CXADR: variants seen among roughly 807,000 people sequenced by gnomAD.
CXADR encodes the protein CXADR cell adhesion molecule, also known as coxsackievirus and adenovirus receptor.
In CXADR, 20 loss-of-function variants were observed where a neutral mutation model predicts 40.3. The ratio of observed to expected loss-of-function variants is 0.50; its 90% confidence interval spans 0.35 to 0.72. The LOEUF (loss-of-function observed/expected upper bound fraction) is 0.72. CXADR is among the 30% of genes least tolerant of loss of function. CXADR has a pLI of 0.01. For synonymous variants in CXADR, 150 were observed against 161.3 expected, an observed-to-expected ratio of 0.93 and a Z score of 0.53; for missense variants, 332 against 449.1, an observed-to-expected ratio of 0.74 and a Z score of 2.36.
Position 17,567,224 on chromosome 21 carries a change from A to T in CXADR, c.*1532A>T, listed in dbSNP as rs1015396469. ...AATATCTTTGGGTGCTGTGGTGGTA[A>T]ATGCTATATTATGAACGGTGGCATG... On this transcript the variant is annotated 3_prime_UTR_variant, in exon 7 of 7. Transcript: ENST00000284878. The T allele has an allele frequency of 5.1e-6, 5 of 985,270 alleles. No homozygotes were observed. In the African/African-American group the frequency reaches 8.7e-5, roughly 17 times the overall value. 61.0% of individuals were successfully genotyped at this position (985,270 alleles called of 1,614,324 possible). A position where few individuals can be genotyped will look rare whatever the true frequency, so the allele number is the denominator to read the frequency against.
the CXADR span, among the ~76,000 whole-genome samples, chr21:17,628,177 A>G: frequency 6.6e-6 from 1 of 152,234 alleles, no homozygotes; most frequent in Non-Finnish European, 1.5e-5. Flanking sequence ...CTGGGCCTTT[A>G]GAAATGCATA....
the CXADR span, among the ~76,000 whole-genome samples, chr21:17,601,895 C>T: frequency 6.6e-6 from 1 of 152,118 alleles, no homozygotes; most frequent in African/African-American, 2.4e-5. Flanking sequence ...TTCTTTGACA[C>T]CTAGTTTGGT....
At position 17,540,490 on chromosome 21, in the gene CXADR, G is replaced by A. The variant is rs140553131; in HGVS notation, c.44-6537G>A. 5.2e-3 allele frequency among the ~76,000 whole-genome samples: 792 copies of A among 152,278 alleles called. 8 individuals carry two copies. Among genetic ancestry groups the A allele is most frequent in the African/African-American group, 0.018 (758 of 41,554 alleles). On this transcript the variant is annotated intron_variant, in intron 1 of 6. Coordinates refer to ENST00000284878, the MANE Select transcript of CXADR (RefSeq NM_001338.5). ...CTTCTATTTATATGAGTGAAAGTCA[G>A]CATTACTCCCCAGAAGCCAAATTTT...
chr21:17,621,909 A>G, the CXADR span, among the ~76,000 whole-genome samples: 1 of 152,392 alleles, frequency 6.6e-6, no homozygotes, highest in Middle Eastern at 3.4e-3. Flanking sequence ...TGAATTAAAT[A>G]CCGCATAAAA....
intron 7 of CXADR, among the ~76,000 whole-genome samples, chr21:17,584,268 C>T (rs572669316): frequency 6.6e-6 from 1 of 152,254 alleles, no homozygotes; most frequent in East Asian, 1.9e-4. Flanking sequence ...CCTAGTCCAG[C>T]GTTTGGCTGG....
chr21:17,613,068 A>T, the CXADR span: 1 of 151,674 alleles, frequency 6.6e-6, no homozygotes, highest in Non-Finnish European at 1.5e-5. Context: ...GCCTAGCCGC[A>T]CGGGAGGCGA....
At chr21:17,515,380 C>T (rs1263818855) in intron 1 of CXADR, among the ~76,000 whole-genome samples, 1 of 151,934 alleles carries the variant, frequency 6.6e-6, no homozygotes, top group Non-Finnish European at 1.5e-5. Flanking sequence ...CCTGGGAGGT[C>T]TAAGCTCATG....
At chr21:17,550,271 T>G (rs182500977) in intron 2 of CXADR, among the ~76,000 whole-genome samples, 1 of 151,770 alleles carries the variant, frequency 6.6e-6, no homozygotes, top group East Asian at 1.9e-4. Flanking sequence ...GGAGAATCGC[T>G]TTAACCCAGG....
intron 7 of CXADR, among the ~76,000 whole-genome samples, chr21:17,579,817 G>A (rs2061347748): frequency 6.6e-6 from 1 of 152,054 alleles, no homozygotes; most frequent in African/African-American, 2.4e-5. Context: ...TTAGCTGGCA[G>A]AGTAAGTGCT....
chr21:17,596,469 G>GGAC (rs1377094529), downstream of CXADR, among the ~76,000 whole-genome samples: 3 of 151,916 alleles, frequency 2.0e-5, no homozygotes, highest in African/African-American at 4.8e-5. Flanking sequence ...TTTTGTGTAT[G>GGAC]GTGTCAGCTA....
At position 17,565,840 on chromosome 21, in the gene CXADR, T is replaced by C; in HGVS notation, c.*148T>C. 3.8e-6 allele frequency: 5 copies of C among 1,320,250 alleles called. No individual in the cohort carries two copies. Among genetic ancestry groups the C allele is most frequent in the Non-Finnish European group, 4.8e-6 (5 of 1,032,422 alleles). 81.8% of individuals were successfully genotyped at this position (1,320,250 alleles called of 1,614,324 possible). On this transcript the variant is annotated 3_prime_UTR_variant, in exon 7 of 7. Transcript: ENST00000284878. ...ACTGTACGGAATATATTTTTAAAAA[T>C]TTTTGTTTGGTTATATCGAAATAGT...
the CXADR span, among the ~76,000 whole-genome samples, chr21:17,631,166 C>T: frequency 6.6e-6 from 1 of 152,074 alleles, no homozygotes; most frequent in East Asian, 1.9e-4. Context: ...GTTCTTTAGC[C>T]TAAATATAGA....
At chr21:17,620,718 C>T in the CXADR span, among the ~76,000 whole-genome samples, 3 of 151,296 alleles carry the variant, frequency 2.0e-5, no homozygotes, top group African/African-American at 7.3e-5. Flanking sequence ...TCAGAAATAA[C>T]GTAAAAAAAA....
chr21:17,599,762 G>A, the CXADR span, among the ~76,000 whole-genome samples: 4 of 152,136 alleles, frequency 2.6e-5, no homozygotes, highest in Non-Finnish European at 4.4e-5. Flanking sequence ...TTATAGGCGT[G>A]AGCCATCACG....
At chr21:17,553,614 C>CTTTTTT (rs10710377) in intron 3 of CXADR, among the ~76,000 whole-genome samples, 8 of 128,274 alleles carry the variant, frequency 6.2e-5, no homozygotes, top group Non-Finnish European at 1.0e-4. Flanking sequence ...GGTCCGAATT[C>CTTTTTT]TTTTTTTTTT....
chr21:17,545,724 G>T (rs1470381687), intron 1 of CXADR, among the ~76,000 whole-genome samples: 1 of 151,522 alleles, frequency 6.6e-6, no homozygotes, highest in Non-Finnish European at 1.5e-5. Flanking sequence ...AAATAAAAAG[G>T]GATGAACAGT....
chr21:17,523,447 G>C (rs919680691), intron 1 of CXADR, among the ~76,000 whole-genome samples: 9 of 152,144 alleles, frequency 5.9e-5, no homozygotes, highest in Admixed American at 6.5e-5. Context: ...AGCTTTGCCA[G>C]GTGTTCAGGA....
At chr21:17,524,597 A>AG (rs1208802644) in intron 1 of CXADR, among the ~76,000 whole-genome samples, 2 of 140,234 alleles carry the variant, frequency 1.4e-5, no homozygotes, top group East Asian at 4.2e-4. Context: ...AAAAAAAAAA[A>AG]AAAAAGCCAG....
At chr21:17,618,557 G>C in the CXADR span, among the ~76,000 whole-genome samples, 1 of 151,804 alleles carries the variant, frequency 6.6e-6, no homozygotes, top group African/African-American at 2.4e-5. Flanking sequence ...TTGGAGGCGG[G>C]GATGGAATCT....
Sources: gnomAD v4.1 joint callset for allele counts (sites outside exome capture counted in the v4.1 genomes callset) on GRCh38, gnomAD v4.1.1 for gene constraint, MANE v1.5 for transcripts, NCBI Gene and HGNC (gene_info 2026-07-23, HGNC 2026-07-21) for gene names.